The following GPBP1L1 variants were observed in gnomAD, a reference collection of about 807,000 sequenced individuals.
GPBP1L1 encodes the protein GC-rich promoter binding protein 1 like 1.
A neutral mutation model predicts 52.5 loss-of-function variants in GPBP1L1; 23 were observed. The observed-to-expected ratio is 0.44, with a 90% CI of 0.32 to 0.62. GPBP1L1 has a LOEUF of 0.62. GPBP1L1 is among the 20% of genes least tolerant of loss of function. The probability of loss-of-function intolerance (pLI) is 0.06; values close to 1 mark genes in which losing one functional copy is unlikely to be tolerated. For missense variants in GPBP1L1, 596 were observed against 579.3 expected (o/e 1.03, Z -0.30); for synonymous variants, 243 against 203.1 (o/e 1.20, Z -1.67).
intron 10 of GPBP1L1, among the ~76,000 whole-genome samples, chr1:45,633,246 T>G (rs780242096): frequency 2.0e-5 from 3 of 152,224 alleles, no homozygotes; most frequent in Non-Finnish European, 4.4e-5. Context: ...TGCCAACACT[T>G]GGAAGCAACC....
intron 2 of GPBP1L1, among the ~76,000 whole-genome samples, chr1:45,673,372 C>T (rs902763734): frequency 6.6e-6 from 1 of 152,174 alleles, no homozygotes; most frequent in African/African-American, 2.4e-5. Flanking sequence ...AGAGATACAG[C>T]AGAGCTTCCC....
At chr1:45,651,244 G>A (rs1426050241) in intron 6 of GPBP1L1, 5 of 416,468 alleles carry the variant, frequency 1.2e-5, no homozygotes, top group Non-Finnish European at 2.3e-5. Context: ...AGGTCTTTCT[G>A]TGGAGTAGAC....
At position 45,634,495 on chromosome 1, in the gene GPBP1L1, G is replaced by C. The variant is rs538190024; in HGVS notation, c.745-259C>G. On this transcript the variant is annotated intron_variant, in intron 8 of 12. Transcript: ENST00000355105. ...GGGCTCTAGTTCAATAGTTCAATGA[G>C]TTTGGGAGGTGCCGGGGTGAAAAAA... 9.1e-6 allele frequency: 3 copies of C among 329,174 alleles called. No homozygotes were observed. The East Asian group carries it at 1.4e-4, about 15-fold the overall frequency. The allele number at this position is 329,174 out of a possible 1,614,324, so 20.4% of individuals were successfully genotyped here. A position where few individuals can be genotyped will look rare whatever the true frequency, so the allele number is the denominator to read the frequency against.
chr1:45,681,707 TAGG>T (rs1645214557), intron 2 of GPBP1L1, among the ~76,000 whole-genome samples: 1 of 152,214 alleles, frequency 6.6e-6, no homozygotes, highest in Non-Finnish European at 1.5e-5. Context: ...ACAACAACCC[TAGG>T]AGAAGGTACT....
At chr1:45,656,279 A>G (rs760661748) in intron 4 of GPBP1L1, 1 of 152,210 alleles carries the variant, frequency 6.6e-6, no homozygotes, top group Non-Finnish European at 1.5e-5. Flanking sequence ...TTCCTATTTC[A>G]AAGAATTTTA....
At chr1:45,674,933 T>A (rs1645120016) in intron 2 of GPBP1L1, among the ~76,000 whole-genome samples, 1 of 152,222 alleles carries the variant, frequency 6.6e-6, no homozygotes, top group African/African-American at 2.4e-5. Flanking sequence ...CTTTCTCTTG[T>A]CAATGTAATG....
intron 8 of GPBP1L1, among the ~76,000 whole-genome samples, chr1:45,635,925 T>C (rs745754246): frequency 6.6e-5 from 10 of 152,186 alleles, no homozygotes; most frequent in Non-Finnish European, 1.0e-4. Flanking sequence ...ATCCACCTTA[T>C]TGAAATTAGG....
At chr1:45,648,197 C>T (rs1644776142) in intron 6 of GPBP1L1, among the ~76,000 whole-genome samples, 1 of 152,214 alleles carries the variant, frequency 6.6e-6, no homozygotes, top group South Asian at 2.1e-4. Flanking sequence ...GCCTCGACCT[C>T]CCAAAGTGCT....
chr1:45,661,513 T>G (rs919274770), intron 2 of GPBP1L1, among the ~76,000 whole-genome samples: 1 of 151,784 alleles, frequency 6.6e-6, no homozygotes, highest in Non-Finnish European at 1.5e-5. Flanking sequence ...TGGAGTGCAA[T>G]GTCGCCATCT....
intron 12 of GPBP1L1, among the ~76,000 whole-genome samples, chr1:45,628,698 C>G (rs1270907835): frequency 6.6e-6 from 1 of 152,024 alleles, no homozygotes; most frequent in African/African-American, 2.4e-5. Context: ...GAATCTCGCT[C>G]TGTCACCCAG....
chr1:45,665,010 C>T (rs1444366898), intron 2 of GPBP1L1, among the ~76,000 whole-genome samples: 2 of 150,218 alleles, frequency 1.3e-5, no homozygotes, highest in East Asian at 2.1e-4. Flanking sequence ...GAAAGATGGC[C>T]GGGCGTGGTG....
chr1:45,666,133 C>CTTT (rs5773889), intron 2 of GPBP1L1, among the ~76,000 whole-genome samples: 1 of 146,700 alleles, frequency 6.8e-6, no homozygotes. Context: ...TCTTCAAACA[C>CTTT]TTTTTTTTTT....
At chr1:45,681,593 T>C (rs1337455773) in intron 2 of GPBP1L1, among the ~76,000 whole-genome samples, 3 of 152,210 alleles carry the variant, frequency 2.0e-5, no homozygotes, top group Non-Finnish European at 4.4e-5. Flanking sequence ...TGAATTTCAC[T>C]GGATTGGTGT....
intron 6 of GPBP1L1, among the ~76,000 whole-genome samples, chr1:45,643,990 T>A (rs955081032): frequency 2.6e-5 from 4 of 152,130 alleles, no homozygotes; most frequent in Admixed American, 1.3e-4. Context: ...TCAGCACAAT[T>A]GCCTGTGAAC....
chr1:45,671,737 T>C (rs545656315), intron 2 of GPBP1L1, among the ~76,000 whole-genome samples: 1 of 152,164 alleles, frequency 6.6e-6, no homozygotes, highest in East Asian at 1.9e-4. Flanking sequence ...GGTGGGAGAA[T>C]TGCTTGAACC....
At position 45,654,743 on chromosome 1, in the gene GPBP1L1, G is replaced by T; in HGVS notation, c.277C>A (p.Pro93Thr). Residue 93 changes from proline to threonine, a missense_variant, in exon 6 of 13, where the codon CCA (proline) becomes ACA (threonine). Coordinates refer to ENST00000355105, the MANE Select transcript of GPBP1L1 (RefSeq NM_021639.5). The stretch of plus-strand genomic sequence containing the variant: ...CGGGAAGAGCTATGCCAACCAGATG[G>T]GTTCCCTGTGATTCCAGCATATGCT... ...KGAYAGITGNPSGWHSSSRGH... is the reference protein window; with the variant it reads ...KGAYAGITGNTSGWHSSSRGH... 1 of 1,614,136 alleles carries T rather than the reference G, an allele frequency of 6.2e-7. No individual in the cohort carries two copies. The highest frequency in any genetic ancestry group is 8.5e-7 in the Non-Finnish European group (1 of 1,180,014).
intron 7 of GPBP1L1, chr1:45,641,951 A>C (rs1644680194): frequency 6.5e-6 from 1 of 153,258 alleles, no homozygotes; most frequent in Non-Finnish European, 1.5e-5. Flanking sequence ...TGGGAGGCCA[A>C]GATGGGTGGA....
chr1:45,640,522 A>T, intron 7 of GPBP1L1, 119 bp from the exon 8 acceptor site: 1 of 785,656 alleles, frequency 1.3e-6, no homozygotes, highest in Non-Finnish European at 2.2e-6. Context: ...GAGGGATTAA[A>T]CATTCCCTGG....
Position 45,659,031 on chromosome 1 carries a change from A to C in GPBP1L1, c.57T>G (p.Ala19=), listed in dbSNP as rs138412140. Residue 19 remains alanine (A), a synonymous_variant, in exon 4 of 13, where the codon GCT becomes GCG. Coordinates refer to ENST00000355105, the MANE Select transcript of GPBP1L1 (RefSeq NM_021639.5). The part of the protein sequence containing the change: ...AWLNFSTPQS[A]KSPTATFEKH... ...CTACAGGAATGGAGAACAGTACCTT[A>C]GCTGACTGTGGTGTTGAGAAATTTA... 6.2e-7 allele frequency: 1 copy of C among 1,601,812 alleles called. No homozygotes were observed. Among genetic ancestry groups the C allele is most frequent in the Non-Finnish European group, 8.6e-7 (1 of 1,168,654 alleles).
Sources: allele counts gnomAD v4.1 joint callset (sites outside exome capture counted in the v4.1 genomes callset), GRCh38; gene constraint gnomAD v4.1.1; transcripts MANE v1.5; gene names NCBI Gene and HGNC (gene_info 2026-07-23, HGNC 2026-07-21).